GTF3C1: variants seen among roughly 807,000 people sequenced by gnomAD.
GTF3C1 encodes general transcription factor 3C polypeptide 1.
GTF3C1 carries 57 observed loss-of-function variants against 226.7 expected under a neutral mutation model. The observed-to-expected ratio is 0.25, with a 90% CI of 0.20 to 0.31. The LOEUF (loss-of-function observed/expected upper bound fraction) is 0.31. Ranked by LOEUF, GTF3C1 falls within the 10% of genes least tolerant of loss-of-function variation. The pLI is 1.00. For missense variants in GTF3C1, 2,217 were observed against 2,776.1 expected, an observed-to-expected ratio of 0.80 and a Z score of 4.53; for synonymous variants, 1,090 against 1,084.8, an observed-to-expected ratio of 1.00 and a Z score of -0.09.
At chr16:27,527,558 G>A (rs2088852059) in intron 6 of GTF3C1, among the ~76,000 whole-genome samples, 1 of 152,184 alleles carries the variant, frequency 6.6e-6, no homozygotes, top group East Asian at 1.9e-4. Context: ...TACCTCTGCT[G>A]AGTACTGATT....
At chr16:27,506,274 G>A (rs954248156) in intron 9 of GTF3C1, among the ~76,000 whole-genome samples, 158 bp from the exon 10 acceptor site, 1 of 152,202 alleles carries the variant, frequency 6.6e-6, no homozygotes, top group Non-Finnish European at 1.5e-5. Flanking sequence ...CCCTCCTTCT[G>A]GCCTCTCATC....
intron 34 of GTF3C1, chr16:27,464,064 T>C: frequency 2.3e-6 from 1 of 439,500 alleles, no homozygotes. Context: ...GTGCACACGC[T>C]GGCCCCACCG....
chr16:27,491,955 G>T (rs1399702427), intron 19 of GTF3C1, among the ~76,000 whole-genome samples: 1 of 152,146 alleles, frequency 6.6e-6, no homozygotes, highest in Non-Finnish European at 1.5e-5. Context: ...GGCCCTCACT[G>T]CACTCCTGTG....
rs369710832 is a variant in GTF3C1, at chr16:27,461,592, G to A, written c.6118-30C>T. ...AGACACCAGACACACAGGTTACAGC[G>A]GCACTGCCCTCGCCTGCTTGTTGAT... On this transcript the variant is annotated intron_variant, in intron 36 of 36. Coordinates refer to ENST00000356183, the MANE Select transcript of GTF3C1 (RefSeq NM_001520.4). The surrounding 1 kb of genome is among the most constrained non-coding windows in gnomAD (Gnocchi z 5.3). 5.2e-5 allele frequency: 77 copies of A among 1,493,642 alleles called. No homozygotes were observed. The highest frequency in any genetic ancestry group is 6.9e-5 in the Non-Finnish European group (74 of 1,072,468). 92.5% of individuals were successfully genotyped at this position (1,493,642 alleles called of 1,614,324 possible). A position where few individuals can be genotyped will look rare whatever the true frequency, so the allele number is the denominator to read the frequency against.
chr16:27,541,672 C>T (rs145477933), intron 2 of GTF3C1, among the ~76,000 whole-genome samples: 3 of 152,280 alleles, frequency 2.0e-5, no homozygotes, highest in Non-Finnish European at 4.4e-5. Context: ...GATTTGTGGA[C>T]AGAATATTCT....
intron 7 of GTF3C1, among the ~76,000 whole-genome samples, chr16:27,509,757 C>CAAAAA (rs770402001): frequency 5.1e-5 from 3 of 58,794 alleles, no homozygotes; most frequent in African/African-American, 1.5e-4. Flanking sequence ...GACTCCGTCT[C>CAAAAA]AAAAAAAAAA....
rs150840767 is a variant in GTF3C1, at chr16:27,488,617, T to G, written c.3448A>C (p.Asn1150His). The G allele has an allele frequency of 3.1e-6, 5 of 1,613,162 alleles. No individual in the cohort carries two copies. The highest frequency in any genetic ancestry group is 4.2e-6 in the Non-Finnish European group (5 of 1,179,838). ...GTCTGGAGCCTCACTGTGAGTCCATTCTCTGCGGCAGTGTTCTCCTGTGAG... is the reference window on the plus strand; with the variant it reads ...GTCTGGAGCCTCACTGTGAGTCCATGCTCTGCGGCAGTGTTCTCCTGTGAG... ...QAKKENTAAE[N>H]GLTVRLQTFL... Residue 1150 changes from asparagine (N) to histidine (H), a missense_variant, in exon 22 of 37, where the codon AAT becomes CAT. By Grantham distance (68) the Asn-to-His change is moderately conservative. Coordinates refer to ENST00000356183, the MANE Select transcript of GTF3C1 (RefSeq NM_001520.4).
Position 27,488,238 on chromosome 16 carries a change from C to T in GTF3C1, c.3689G>A (p.Arg1230Lys), listed in dbSNP as rs766205589. ...GATCACCACATAACCTTTCTTCTTTCTCTTGATCTTCTTCCCAGGGTCCTT... is the reference window on the plus strand; with the variant it reads ...GATCACCACATAACCTTTCTTCTTTTTCTTGATCTTCTTCCCAGGGTCCTT... ...LKKDPGKKIK[R>K]KKKGEFPGEK... The change falls in exon 23 of 37, where the codon AGA becomes AAA. Residue 1230 changes from arginine to lysine, a missense_variant. Transcript: ENST00000356183. 10 of 1,613,822 alleles carry T rather than the reference C, an allele frequency of 6.2e-6. No homozygotes were observed. In the South Asian group the frequency reaches 8.8e-5, roughly 14 times the overall value.
At chr16:27,485,629 T>G (rs1439460162) in intron 24 of GTF3C1, among the ~76,000 whole-genome samples, 1 of 152,186 alleles carries the variant, frequency 6.6e-6, no homozygotes, top group Non-Finnish European at 1.5e-5. Context: ...GGCAAACATT[T>G]ATATGTATGC....
At chr16:27,466,692 A>C (rs745545198) in intron 32 of GTF3C1, among the ~76,000 whole-genome samples, 1 of 152,238 alleles carries the variant, frequency 6.6e-6, no homozygotes, top group Non-Finnish European at 1.5e-5. Flanking sequence ...AAGTTAGTCA[A>C]AGTTGTGAAG....
intron 2 of GTF3C1, among the ~76,000 whole-genome samples, chr16:27,544,555 G>A (rs1441532524): frequency 2.6e-5 from 4 of 151,890 alleles, no homozygotes; most frequent in Non-Finnish European, 5.9e-5. Context: ...AGAGTAGACA[G>A]GGAAGAAATG....
intron 7 of GTF3C1, among the ~76,000 whole-genome samples, chr16:27,510,579 G>A (rs1398306813): frequency 3.3e-5 from 5 of 152,090 alleles, no homozygotes; most frequent in African/African-American, 1.2e-4. Context: ...AAGGGTTAAG[G>A]GCAGCATTTC....
chr16:27,465,150 A>T, intron 33 of GTF3C1, 110 bp downstream of exon 33: 1 of 997,702 alleles, frequency 1.0e-6, no homozygotes, highest in Non-Finnish European at 1.5e-6. Flanking sequence ...AACGTTTAAA[A>T]AGAACGCAGC....
In GTF3C1 at chr16:27,469,824, C is replaced by T. The variant is rs1283919575; in HGVS notation, c.4815-274G>A. Among the ~76,000 whole-genome samples, 1 of 152,198 alleles carries T rather than the reference C, an allele frequency of 6.6e-6. No individual in the cohort carries two copies. The highest frequency in any genetic ancestry group is 2.4e-5 in the African/African-American group (1 of 41,446). ...TCAGCCCAGAAAACACCCATTTCCC[C>T]AGGAAGCCCCAGTTCTGTTGCGAGG... On this transcript the variant is annotated intron_variant, in intron 31 of 36. Coordinates refer to ENST00000356183, the MANE Select transcript of GTF3C1 (RefSeq NM_001520.4). The surrounding 1 kb of genome is among the most constrained non-coding windows in gnomAD (Gnocchi z 4.5).
chr16:27,472,035 G>T, intron 29 of GTF3C1, 115 bp from the exon 30 acceptor site: 1 of 836,752 alleles, frequency 1.2e-6, no homozygotes, highest in Non-Finnish European at 1.9e-6. Context: ...GACCGATCGT[G>T]GGAGGCCCAG....
chr16:27,537,709 C>A, intron 4 of GTF3C1, 75 bp downstream of exon 4: 2 of 1,037,892 alleles, frequency 1.9e-6, no homozygotes, highest in Admixed American at 2.2e-5. Context: ...TACCCAGCTG[C>A]CCCTACAATT....
chr16:27,462,453 C>T lies in GTF3C1; in HGVS notation c.5958G>A (p.Pro1986=), dbSNP rs763547747. The T allele has an allele frequency of 1.2e-5, 19 of 1,613,536 alleles. No individual in the cohort carries two copies. In the Admixed American group the frequency reaches 1.5e-4, roughly 13 times the overall value. The part of the protein sequence containing the change: ...DCESVCFIGR[P]WRVVDGHLNL... ...TCAGGTGGCCATCCACGACACGCCA[C>T]GGCCGGCCGATGAAGCAGACACTCT... Residue 1986 remains proline (P), a synonymous_variant, in exon 36 of 37, where the codon CCG becomes CCA. Transcript: ENST00000356183. The surrounding 1 kb of genome is among the most constrained non-coding windows in gnomAD (Gnocchi z 4.5).
At chr16:27,488,105 C>T (rs192674745) in intron 23 of GTF3C1, 122 bp downstream of exon 23, 40 of 783,204 alleles carry the variant, frequency 5.1e-5, no homozygotes, top group Admixed American at 3.8e-4. Flanking sequence ...CGCCACACAT[C>T]GAGGGAAGGC....
chr16:27,473,832 G>A (rs551012289), intron 29 of GTF3C1, among the ~76,000 whole-genome samples: 6 of 152,318 alleles, frequency 3.9e-5, no homozygotes, highest in South Asian at 2.1e-4. Flanking sequence ...TGTGGTGGGC[G>A]GGAGAAGCTG....
Sources: allele counts gnomAD v4.1 joint callset (sites outside exome capture counted in the v4.1 genomes callset), GRCh38; gene constraint gnomAD v4.1.1; non-coding constraint Gnocchi (gnomAD v3.1); transcripts MANE v1.5; gene names NCBI Gene and HGNC (gene_info 2026-07-23, HGNC 2026-07-21).